The following ERBB4 variants were observed in gnomAD, a reference collection of about 807,000 sequenced individuals.
ERBB4 encodes the protein receptor tyrosine-protein kinase erbB-4.
Under a neutral mutation model 158.0 loss-of-function variants are expected in ERBB4, and 42 were observed. The observed-to-expected ratio is 0.27, with a 90% confidence interval of 0.21 to 0.34. The LOEUF (loss-of-function observed/expected upper bound fraction) is 0.34. Ranked by LOEUF, ERBB4 falls within the 10% of genes least tolerant of loss-of-function variation. The pLI is 1.00. For missense variants in ERBB4, 1,333 were observed against 1,624.1 expected (o/e 0.82, Z 3.08); for synonymous variants, 583 against 558.7 (o/e 1.04, Z -0.61).
At chr2:211,959,653 AG>A (rs2081128270) in intron 2 of ERBB4, among the ~76,000 whole-genome samples, 1 of 152,244 alleles carries the variant, frequency 6.6e-6, no homozygotes, top group Middle Eastern at 3.4e-3. Context: ...CAATCATTAT[AG>A]TACCTTCTAA....
chr2:211,875,196 A>G (rs1463239198), intron 3 of ERBB4, among the ~76,000 whole-genome samples: 1 of 151,958 alleles, frequency 6.6e-6, no homozygotes, highest in Non-Finnish European at 1.5e-5. Context: ...TTGAGATATC[A>G]TTAATAAAAT....
At chr2:211,518,907 A>G (rs961761889) in intron 20 of ERBB4, among the ~76,000 whole-genome samples, 1 of 152,100 alleles carries the variant, frequency 6.6e-6, no homozygotes, top group Non-Finnish European at 1.5e-5. Flanking sequence ...TTATTTTTAA[A>G]ATTAATTTAC....
At chr2:212,079,233 A>G (rs2078363452) in intron 2 of ERBB4, among the ~76,000 whole-genome samples, 2 of 151,912 alleles carry the variant, frequency 1.3e-5, no homozygotes, top group Admixed American at 6.6e-5. Flanking sequence ...TTCACCCCCC[A>G]ATAATTATAT....
At chr2:212,512,595 G>A (rs1486440985) in intron 1 of ERBB4, among the ~76,000 whole-genome samples, 10 of 152,168 alleles carry the variant, frequency 6.6e-5, no homozygotes, top group African/African-American at 2.2e-4. Context: ...GGCCTAAAGT[G>A]ATTATTCAAT....
intron 1 of ERBB4, among the ~76,000 whole-genome samples, chr2:212,192,920 T>C (rs555004669): frequency 6.6e-6 from 1 of 152,258 alleles, no homozygotes; most frequent in African/African-American, 2.4e-5. Flanking sequence ...ACTAAAGTTG[T>C]TTTGTATTCC....
chr2:212,522,281 T>C (rs1397556618), intron 1 of ERBB4, among the ~76,000 whole-genome samples: 2 of 152,086 alleles, frequency 1.3e-5, no homozygotes, highest in African/African-American at 4.8e-5. Context: ...AGATATTGTA[T>C]AAGAAGTGCC....
chr2:212,231,300 A>C (rs1014787956), intron 1 of ERBB4, among the ~76,000 whole-genome samples: 2 of 152,202 alleles, frequency 1.3e-5, no homozygotes, highest in Non-Finnish European at 2.9e-5. Flanking sequence ...AGGAAAAAAA[A>C]AACAGGTTAT....
chr2:212,056,127 G>A (rs558942644), intron 2 of ERBB4, among the ~76,000 whole-genome samples: 4 of 152,292 alleles, frequency 2.6e-5, no homozygotes, highest in South Asian at 2.1e-4. Flanking sequence ...ACTACGTGAC[G>A]AATACACAAG....
intron 2 of ERBB4, among the ~76,000 whole-genome samples, chr2:211,992,581 A>AAT (rs2082105743): frequency 1.3e-5 from 2 of 149,838 alleles, no homozygotes; most frequent in Non-Finnish European, 3.0e-5. Flanking sequence ...AAAAAAAAAA[A>AAT]CATGAGTTTG....
At chr2:212,403,184 CA>C (rs961545381) in intron 1 of ERBB4, among the ~76,000 whole-genome samples, 4 of 151,622 alleles carry the variant, frequency 2.6e-5, no homozygotes, top group African/African-American at 4.8e-5. Flanking sequence ...TTAGAAAGTT[CA>C]AAAAAAATTG....
chr2:212,194,291 T>TACACAC (rs5838307), intron 1 of ERBB4, among the ~76,000 whole-genome samples: 14,215 of 148,770 alleles, frequency 0.096, 748 homozygotes, highest in Middle Eastern at 0.12. Context: ...AAATAGTTTA[T>TACACAC]ACACACACAC....
At chr2:212,024,316 C>T (rs1005579077) in intron 2 of ERBB4, among the ~76,000 whole-genome samples, 2 of 151,324 alleles carry the variant, frequency 1.3e-5, no homozygotes, top group Non-Finnish European at 3.0e-5. Flanking sequence ...AAACAACTTG[C>T]TGCAAAGCAC....
At chr2:211,747,919 T>G (rs1178790252) in intron 5 of ERBB4, among the ~76,000 whole-genome samples, 1 of 151,980 alleles carries the variant, frequency 6.6e-6, no homozygotes, top group Admixed American at 6.6e-5. Context: ...TCACTTCCCT[T>G]ATATGAAATG....
chr2:212,010,752 C>T (rs977625379), intron 2 of ERBB4, among the ~76,000 whole-genome samples: 2 of 152,120 alleles, frequency 1.3e-5, no homozygotes, highest in African/African-American at 4.8e-5. Flanking sequence ...CCTGAGGGTA[C>T]TGCAAGAGAC....
At chr2:211,906,243 G>A (rs1246211869) in intron 3 of ERBB4, among the ~76,000 whole-genome samples, 1 of 152,006 alleles carries the variant, frequency 6.6e-6, no homozygotes, top group Non-Finnish European at 1.5e-5. Flanking sequence ...GAGACATGTA[G>A]GATTCTGCAT....
rs539796528 is a variant in ERBB4, at chr2:211,378,240, G to A, written c.*5375C>T. 1 of 233,020 alleles carries A rather than the reference G, an allele frequency of 4.3e-6. No homozygotes were observed. The highest frequency in any genetic ancestry group is 6.0e-5 in the East Asian group (1 of 16,560). 14.4% of individuals were successfully genotyped at this position (233,020 alleles called of 1,614,324 possible). On this transcript the variant is annotated 3_prime_UTR_variant, in exon 28 of 28. Transcript: ENST00000342788. ...TACTTGCAAAGCTGACTGTCAAAGAGTATTTTCCAGAGGAAGCATGTGAAT... is the reference window on the plus strand; with the variant it reads ...TACTTGCAAAGCTGACTGTCAAAGAATATTTTCCAGAGGAAGCATGTGAAT...
intron 2 of ERBB4, among the ~76,000 whole-genome samples, chr2:211,964,387 C>T (rs2081259892): frequency 6.6e-6 from 1 of 152,116 alleles, no homozygotes; most frequent in Admixed American, 6.6e-5. Context: ...AAGCAATTTG[C>T]TAACTTTCAA....
At chr2:212,168,080 A>C (rs891016828) in intron 1 of ERBB4, among the ~76,000 whole-genome samples, 1 of 152,078 alleles carries the variant, frequency 6.6e-6, no homozygotes, top group African/African-American at 2.4e-5. Context: ...AAAAAAAAAA[A>C]AAACTTGTCT....
At chr2:211,540,811 C>A (rs1402140028) in intron 20 of ERBB4, among the ~76,000 whole-genome samples, 1 of 151,944 alleles carries the variant, frequency 6.6e-6, no homozygotes, top group Non-Finnish European at 1.5e-5. Flanking sequence ...AGTACAGTAA[C>A]TCCTCAATGT....
Sources: allele counts gnomAD v4.1 joint callset (sites outside exome capture counted in the v4.1 genomes callset), GRCh38; gene constraint gnomAD v4.1.1; transcripts MANE v1.5; gene names NCBI Gene and HGNC (gene_info 2026-07-23, HGNC 2026-07-21).